The following MTNR1B variants were observed in gnomAD, a reference collection of about 807,000 sequenced individuals.
MTNR1B encodes melatonin receptor 1B.
In MTNR1B, 7 loss-of-function variants were observed where a neutral mutation model predicts 7.0. The observed-to-expected ratio is 1.00, with a 90% CI of 0.57 to 1.88. The LOEUF (loss-of-function observed/expected upper bound fraction) is 1.88, where lower values mean the gene tolerates loss of function less well. Among genes scored for constraint, MTNR1B ranks in the 40% most tolerant of loss-of-function variants. The pLI, the probability that MTNR1B is intolerant of heterozygous loss-of-function variation, is 0.00. For synonymous variants in MTNR1B, 226 were observed against 208.2 expected (o/e 1.09, Z -0.74); for missense variants, 478 against 486.5 (o/e 0.98, Z 0.16).
chr11:92,976,201 C>G (rs1444718632), intron 1 of MTNR1B, among the ~76,000 whole-genome samples: 1 of 152,136 alleles, frequency 6.6e-6, no homozygotes, highest in Non-Finnish European at 1.5e-5. Context: ...CCACAAAATT[C>G]AGAGAATACT....
rs1857887480 is a variant in MTNR1B at position 92,969,664 on chromosome 11, C to A, written c.-62C>A. 1 of 1,370,224 alleles carries A rather than the reference C, an allele frequency of 7.3e-7. No individual in the cohort carries two copies. Among genetic ancestry groups the A allele is most frequent in the Admixed American group, 3.3e-5 (1 of 30,748 alleles). 84.9% of individuals were successfully genotyped at this position (1,370,224 alleles called of 1,614,324 possible). On this transcript the variant is annotated 5_prime_UTR_variant, in exon 1 of 2. Transcript: ENST00000257068. ...GAAGAGAGCGCCCGGCTCAGTACTG[C>A]GCGCGCCCTGCGGCTGTCCGGGGCC... is the stretch of plus-strand genomic sequence containing the variant.
chr11:92,969,767 C>T lies in MTNR1B; in HGVS notation c.42C>T (p.Gly14=), dbSNP rs748955086. ...NGSFANCCEA[G]GWAVRPGWSG... is the part of the protein sequence containing the mutation. The stretch of plus-strand genomic sequence containing the variant: ...CCTTCGCCAACTGCTGCGAGGCGGG[C>T]GGGTGGGCAGTGCGCCCGGGCTGGT... The change falls in exon 1 of 2, where the codon GGC becomes GGT. Residue 14 remains glycine, a synonymous_variant. Coordinates refer to ENST00000257068, the MANE Select transcript of MTNR1B (RefSeq NM_005959.5). 8 of 1,517,478 alleles carry T rather than the reference C, an allele frequency of 5.3e-6. No individual in the cohort carries two copies. Among genetic ancestry groups the T allele is most frequent in the South Asian group, 1.2e-5 (1 of 80,238 alleles). The allele number at this position is 1,517,478 out of a possible 1,614,324, so 94.0% of individuals were successfully genotyped here. A position where few individuals can be genotyped will look rare whatever the true frequency, so the allele number is the denominator to read the frequency against.
downstream of MTNR1B, among the ~76,000 whole-genome samples, chr11:92,984,397 G>GTGCTCCA: frequency 6.6e-6 from 1 of 152,260 alleles, no homozygotes; most frequent in Admixed American, 6.5e-5. Flanking sequence ...CAATGGTAGT[G>GTGCTCCA]TGCTCCACCC....
At chr11:92,984,618 C>G (rs1377369878), downstream of MTNR1B, among the ~76,000 whole-genome samples, 1 of 152,186 alleles carries the variant, frequency 6.6e-6, no homozygotes, top group Non-Finnish European at 1.5e-5. Context: ...GCATCAATTT[C>G]TTGGCAACAG....
At position 92,982,339 on chromosome 11, in the gene MTNR1B, T is replaced by C; in HGVS notation, c.*27T>C. ...CTGGATCTGAGGCACACCAGCAGCATGACAAACTCATGAAATGGTGGGAGA... is the reference window on the plus strand; with the variant it reads ...CTGGATCTGAGGCACACCAGCAGCACGACAAACTCATGAAATGGTGGGAGA... On this transcript the variant is annotated 3_prime_UTR_variant, in exon 2 of 2. Transcript: ENST00000257068. 1 of 1,592,336 alleles carries C rather than the reference T, an allele frequency of 6.3e-7. No homozygotes were observed. The highest frequency in any genetic ancestry group is 8.5e-7 in the Non-Finnish European group (1 of 1,171,222).
chr11:92,981,769 G>T lies in MTNR1B; in HGVS notation c.546G>T (p.Glu182Asp), dbSNP rs372043726. ...LLPNFFVGSL[E>D]YDPRIYSCTF... is the part of the protein sequence containing the mutation. Reference sequence around the variant, plus strand: ...CCAACTTCTTTGTGGGGTCCCTGGAGTACGACCCACGCATCTATTCCTGCA... The same window carrying T: ...CCAACTTCTTTGTGGGGTCCCTGGATTACGACCCACGCATCTATTCCTGCA... Residue 182 changes from glutamate to aspartate, a missense_variant, in exon 2 of 2, where the codon GAG (glutamate) becomes GAT (aspartate). Transcript: ENST00000257068. The T allele has an allele frequency of 1.3e-4, 209 of 1,614,098 alleles. No individual in the cohort carries two copies. Among genetic ancestry groups the T allele is most frequent in the Non-Finnish European group, 1.7e-4 (203 of 1,180,060 alleles).
chr11:92,982,947 C>CACACACACA (rs1554991419), downstream of MTNR1B, among the ~76,000 whole-genome samples: 7 of 66,316 alleles, frequency 1.1e-4, no homozygotes, highest in African/African-American at 4.5e-4. Flanking sequence ...CCCCCCCCCC[C>CACACACACA]CACACACACA....
At chr11:92,982,949 A>ACT (rs1858143408), downstream of MTNR1B, among the ~76,000 whole-genome samples, 1 of 45,002 alleles carries the variant, frequency 2.2e-5, no homozygotes, top group Non-Finnish European at 4.3e-5. Flanking sequence ...CCCCCCCCCC[A>ACT]CACACACACA....
At chr11:92,970,090 T>C in intron 1 of MTNR1B, 142 bp downstream of exon 1, 1 of 1,201,852 alleles carries the variant, frequency 8.3e-7, no homozygotes, top group South Asian at 2.8e-5. Context: ...ATTCCTTAAG[T>C]TTGACTCTGC....
chr11:92,972,786 A>G (rs1169373263), intron 1 of MTNR1B, among the ~76,000 whole-genome samples: 1 of 152,100 alleles, frequency 6.6e-6, no homozygotes, highest in Non-Finnish European at 1.5e-5. Context: ...CACCTCGCTA[A>G]TATTTATCTC....
intron 1 of MTNR1B, among the ~76,000 whole-genome samples, chr11:92,976,606 A>G (rs1858012236): frequency 6.6e-6 from 1 of 152,254 alleles, no homozygotes; most frequent in African/African-American, 2.4e-5. Context: ...TGAAGGCAAC[A>G]CTGATAGAGC....
chr11:92,972,643 C>A, intron 1 of MTNR1B: 3 of 428,462 alleles, frequency 7.0e-6, no homozygotes, highest in South Asian at 3.3e-5. Flanking sequence ...CTTGCACAGC[C>A]CATGGCACTG....
At chr11:92,972,048 G>T (rs78367929) in intron 1 of MTNR1B, among the ~76,000 whole-genome samples, 15 of 152,290 alleles carry the variant, frequency 9.8e-5, no homozygotes, top group Non-Finnish European at 1.8e-4. Flanking sequence ...ACAAACAATT[G>T]TAGTACTGAC....
chr11:92,981,547 G>A lies in MTNR1B; in HGVS notation c.324G>A (p.Leu108=), dbSNP rs1340812302. 1.9e-6 allele frequency: 3 copies of A among 1,614,120 alleles called. No homozygotes were observed. The highest frequency in any genetic ancestry group is 2.5e-6 in the Non-Finnish European group (3 of 1,180,032). Reference sequence around the variant, plus strand: ...CCATCTTCTATGACGGCTGGGCCCTGGGGGAGGAGCACTGCAAGGCCAGCG... The same window carrying A: ...CCATCTTCTATGACGGCTGGGCCCTAGGGGAGGAGCACTGCAAGGCCAGCG... ...LVAIFYDGWA[L]GEEHCKASAF... The change falls in exon 2 of 2, where the codon CTG becomes CTA. Residue 108 remains leucine (L), a synonymous_variant. Transcript: ENST00000257068.
At chr11:92,976,003 C>A (rs777781858) in intron 1 of MTNR1B, among the ~76,000 whole-genome samples, 4 of 152,208 alleles carry the variant, frequency 2.6e-5, no homozygotes, top group Admixed American at 6.5e-5. Flanking sequence ...TACCTTATTG[C>A]CTCTTCACTG....
downstream of MTNR1B, among the ~76,000 whole-genome samples, chr11:92,982,936 A>ACCCCCCCCC (rs71473980): frequency 8.1e-5 from 4 of 49,168 alleles, no homozygotes; most frequent in Admixed American, 2.6e-4. Context: ...AACACACTGC[A>ACCCCCCCCC]CCCCCCCCCC....
At position 92,981,824 on chromosome 11, in the gene MTNR1B, ACGG is replaced by A; in HGVS notation, c.606_608del (p.Ala203del). On this transcript the variant is annotated inframe_deletion, in exon 2 of 2. Transcript: ENST00000257068. ...CATCCAGACCGCCAGCACCCAGTAC[ACGG>A]CGGCAGTGGTGGTCATCCACTTCCT... 2 of 1,614,140 alleles carry A rather than the reference ACGG, an allele frequency of 1.2e-6. No homozygotes were observed. Among genetic ancestry groups the A allele is most frequent in the Admixed American group, 3.3e-5 (2 of 60,024 alleles).
chr11:92,981,312 T>G, intron 1 of MTNR1B, 135 bp from the exon 2 acceptor site: 1 of 1,228,134 alleles, frequency 8.1e-7, no homozygotes, highest in Non-Finnish European at 1.1e-6. Flanking sequence ...GCAATCTGAG[T>G]CTTCAGTTCT....
At chr11:92,978,958 T>C (rs929767206) in intron 1 of MTNR1B, among the ~76,000 whole-genome samples, 3 of 152,164 alleles carry the variant, frequency 2.0e-5, no homozygotes, top group Admixed American at 1.3e-4. Context: ...AGAGCTTGTG[T>C]GTTGCTGGGC....
Sources: gnomAD v4.1 joint callset for allele counts (sites outside exome capture counted in the v4.1 genomes callset) on GRCh38, gnomAD v4.1.1 for gene constraint, MANE v1.5 for transcripts, NCBI Gene and HGNC (gene_info 2026-07-23, HGNC 2026-07-21) for gene names.